ARMC1: variants seen among roughly 807,000 people sequenced by gnomAD.
ARMC1 encodes the protein armadillo repeat containing 1.
A neutral mutation model predicts 31.4 loss-of-function variants in ARMC1; 16 were observed. The observed-to-expected ratio is 0.51, with a 90% confidence interval of 0.34 to 0.77. ARMC1 has a LOEUF of 0.77. Among genes scored for constraint, ARMC1 ranks in the 30% least tolerant of loss-of-function variants. The probability of loss-of-function intolerance (pLI) is 0.01; values close to 1 mark genes in which losing one functional copy is unlikely to be tolerated. For synonymous variants in ARMC1, 114 were observed against 118.9 expected (o/e 0.96, Z 0.27); for missense variants, 259 against 347.5 (o/e 0.75, Z 2.02).
intron 3 of ARMC1, among the ~76,000 whole-genome samples, chr8:65,616,039 A>C (rs970116868): frequency 6.6e-6 from 1 of 152,286 alleles, no homozygotes; most frequent in Non-Finnish European, 1.5e-5. Context: ...GATTATTTCA[A>C]AACTGTTTAA....
At chr8:65,626,714 A>G (rs932130926) in intron 2 of ARMC1, among the ~76,000 whole-genome samples, 2 of 152,156 alleles carry the variant, frequency 1.3e-5, no homozygotes, top group Non-Finnish European at 2.9e-5. Flanking sequence ...AGTATGCAAC[A>G]ATTTGTATAA....
At chr8:65,623,323 A>AAAAAAAAT (rs1808437153) in intron 2 of ARMC1, among the ~76,000 whole-genome samples, 1 of 146,764 alleles carries the variant, frequency 6.8e-6, no homozygotes, top group East Asian at 2.0e-4. Context: ...AAAAAAAAAA[A>AAAAAAAAT]ATGCTGGGCG....
rs1292497611 is a variant in ARMC1, at chr8:65,606,339, C to A, written c.466-801G>T. ...TTATGCCGCTGCACTCCAGCCTGGG[C>A]GACAGAGCAAGACACCATCTCAAAA... On this transcript the variant is annotated intron_variant, in intron 4 of 6. Coordinates refer to ENST00000276569, the MANE Select transcript of ARMC1 (RefSeq NM_018120.6). Among the ~76,000 whole-genome samples, 5 of 141,642 alleles carry A rather than the reference C, an allele frequency of 3.5e-5. No homozygotes were observed. The East Asian group carries it at 1.0e-3, about 29-fold the overall frequency. 92.9% of individuals were successfully genotyped at this position (141,642 alleles called of 152,430 possible). A position where few individuals can be genotyped will look rare whatever the true frequency, so the allele number is the denominator to read the frequency against.
chr8:65,613,200 T>C (rs1427604385), intron 4 of ARMC1, 44 bp downstream of exon 4: 2 of 1,460,058 alleles, frequency 1.4e-6, no homozygotes, highest in East Asian at 2.4e-5. Context: ...CTGAAGAAAC[T>C]ATTCAGTAAA....
intron 1 of ARMC1, among the ~76,000 whole-genome samples, chr8:65,629,505 T>A (rs1808590070): frequency 6.6e-6 from 1 of 152,032 alleles, no homozygotes; most frequent in South Asian, 2.1e-4. Context: ...ATATAGTTAA[T>A]AATAGTGTAT....
rs575855264 is a variant in ARMC1, at chr8:65,604,513, C to A, written c.730G>T (p.Asp244Tyr). ...TCCTGTTCCTTTGTGGGACTCTCAT[C>A]CTCAGGCAGGTAGTCAGGTAGCTCT... ...NTELPDYLPE[D>Y]ESPTKEQDKA... Residue 244 changes from aspartate to tyrosine, a missense_variant, in exon 7 of 7, where the codon GAT becomes TAT. Coordinates refer to ENST00000276569, the MANE Select transcript of ARMC1 (RefSeq NM_018120.6). 1 of 1,614,124 alleles carries A rather than the reference C, an allele frequency of 6.2e-7. No homozygotes were observed. The highest frequency in any genetic ancestry group is 2.2e-5 in the East Asian group (1 of 44,888).
intron 1 of ARMC1, among the ~76,000 whole-genome samples, chr8:65,630,219 A>G (rs1808612435): frequency 8.6e-6 from 1 of 115,948 alleles, no homozygotes; most frequent in Non-Finnish European, 1.7e-5. Context: ...AAGGTGATAG[A>G]TATGTTAACT....
intron 1 of ARMC1, 64 bp downstream of exon 1, chr8:65,633,934 G>A (rs1211462640): frequency 2.6e-5 from 4 of 152,476 alleles, no homozygotes; most frequent in Admixed American, 6.5e-5. Flanking sequence ...CCTCGGTACA[G>A]GGGCCGCTTC....
At position 65,632,398 on chromosome 8, in the gene ARMC1, G is replaced by A. The variant is rs552869271; in HGVS notation, c.-36+1600C>T. Among the ~76,000 whole-genome samples the A allele has an allele frequency of 1.2e-3, 178 of 152,200 alleles. 1 individual carries two copies. The highest frequency in any genetic ancestry group is 1.7e-3 in the Non-Finnish European group (115 of 68,018). ...GGAGGCCGAGGCGAGCGGATTACGA[G>A]GTCAGGTGATTGAGACCATCCTGGC... On this transcript the variant is annotated intron_variant, in intron 1 of 6. Coordinates refer to ENST00000276569, the MANE Select transcript of ARMC1 (RefSeq NM_018120.6).
At chr8:65,611,416 C>T in intron 4 of ARMC1, among the ~76,000 whole-genome samples, 1 of 151,844 alleles carries the variant, frequency 6.6e-6, no homozygotes, top group East Asian at 1.9e-4. Context: ...TTTTCATTTC[C>T]CTGATCTTTC....
At chr8:65,604,863 T>C (rs894163678) in intron 6 of ARMC1, among the ~76,000 whole-genome samples, 2 of 152,184 alleles carry the variant, frequency 1.3e-5, no homozygotes, top group Admixed American at 6.5e-5. Context: ...ACCTCCCATC[T>C]ATGAGATGGG....
chr8:65,620,020 C>A (rs912177464), intron 3 of ARMC1, among the ~76,000 whole-genome samples: 1 of 151,474 alleles, frequency 6.6e-6, no homozygotes, highest in Non-Finnish European at 1.5e-5. Flanking sequence ...TGGCCTAAGT[C>A]CCTGCTGCTC....
rs1808570430 is a variant in ARMC1, at chr8:65,628,731, C to A, written c.-35-1298G>T. Among the ~76,000 whole-genome samples, 3 of 151,116 alleles carry A rather than the reference C, an allele frequency of 2.0e-5. 1 individual carries two copies. In the South Asian group the frequency reaches 6.3e-4, roughly 32 times the overall value. On this transcript the variant is annotated intron_variant, in intron 1 of 6. Transcript: ENST00000276569. ...AATTAGCCGGGCATGGTGGCACGCACCTGTAATCCTAGCTACTCGGGAGGC... is the reference window on the plus strand; with the variant it reads ...AATTAGCCGGGCATGGTGGCACGCAACTGTAATCCTAGCTACTCGGGAGGC...
chr8:65,627,651 T>C (rs1314655495), intron 1 of ARMC1, among the ~76,000 whole-genome samples: 1 of 152,238 alleles, frequency 6.6e-6, no homozygotes, highest in African/African-American at 2.4e-5. Context: ...ACATATGTTG[T>C]CCTCAATATT....
chr8:65,604,945 G>A (rs1807970727), intron 6 of ARMC1, among the ~76,000 whole-genome samples: 1 of 152,140 alleles, frequency 6.6e-6, no homozygotes, highest in Non-Finnish European at 1.5e-5. Flanking sequence ...AACAGACAAG[G>A]ATTTTCACCC....
intron 3 of ARMC1, among the ~76,000 whole-genome samples, chr8:65,619,677 T>A (rs921597675): frequency 8.6e-5 from 13 of 151,632 alleles, no homozygotes; most frequent in Admixed American, 5.9e-4. Flanking sequence ...CAAGACCCCA[T>A]CTCTACAAAA....
Position 65,602,729 on chromosome 8 carries a change from G to C in ARMC1, c.*1665C>G, listed in dbSNP as rs1807917607. ...TTGCTTTAATGGCTATAGAAAGAAG[G>C]TGGTTTTATTTTCTTTTTTAAACAC... On this transcript the variant is annotated 3_prime_UTR_variant, in exon 7 of 7. Transcript: ENST00000276569. 1 of 151,312 alleles carries C rather than the reference G, an allele frequency of 6.6e-6. No homozygotes were observed. The highest frequency in any genetic ancestry group is 2.4e-5 in the African/African-American group (1 of 41,130). The allele number at this position is 151,312 out of a possible 1,614,324, so 9.4% of individuals were successfully genotyped here. A position where few individuals can be genotyped will look rare whatever the true frequency, so the allele number is the denominator to read the frequency against.
At chr8:65,623,304 T>G in intron 2 of ARMC1, among the ~76,000 whole-genome samples, 1 of 3,044 alleles carries the variant, frequency 3.3e-4, no homozygotes, top group Non-Finnish European at 6.5e-4. Flanking sequence ...CAAGACTCCG[T>G]CTCAAAAAAA....
intron 1 of ARMC1, among the ~76,000 whole-genome samples, chr8:65,632,736 G>C (rs192101752): frequency 1.3e-5 from 2 of 152,260 alleles, no homozygotes; most frequent in Non-Finnish European, 2.9e-5. Flanking sequence ...TGAGGCAGGA[G>C]AATCGCTTGA....
Sources: gnomAD v4.1 joint callset for allele counts (sites outside exome capture counted in the v4.1 genomes callset) on GRCh38, gnomAD v4.1.1 for gene constraint, MANE v1.5 for transcripts, NCBI Gene and HGNC (gene_info 2026-07-23, HGNC 2026-07-21) for gene names.